Variants in ARMC6 observed in about 807,000 individuals in gnomAD.
ARMC6 encodes armadillo repeat containing 6, also known as armadillo repeat-containing protein 6.
In ARMC6, 43 loss-of-function variants were observed where a neutral mutation model predicts 49.2. The ratio of observed to expected loss-of-function variants is 0.87; its 90% CI spans 0.69 to 1.13. The LOEUF is 1.13. Among genes scored for constraint, ARMC6 ranks in the 50% most tolerant of loss-of-function variants. The pLI, the probability that ARMC6 is intolerant of heterozygous loss-of-function variation, is 0.00. For synonymous variants in ARMC6, 262 were observed against 289.6 expected (o/e 0.90, Z 0.97); for missense variants, 627 against 682.0 (o/e 0.92, Z 0.90).
Position 19,055,226 on chromosome 19 carries a change from C to T in ARMC6, c.1024-39C>T, listed in dbSNP as rs764248400. 66 of 1,537,700 alleles carry T rather than the reference C, an allele frequency of 4.3e-5. No homozygotes were observed. The highest frequency in any genetic ancestry group is 5.4e-5 in the Non-Finnish European group (62 of 1,142,774). On this transcript the variant is annotated intron_variant, in intron 6 of 8. Coordinates refer to ENST00000535612, the MANE Select transcript of ARMC6 (RefSeq NM_001199196.2). The surrounding 1 kb of genome is among the most constrained non-coding windows in gnomAD (Gnocchi z 5.7). The stretch of plus-strand genomic sequence containing the variant: ...CCTCAGAGCCCTCTCCCACAACCAG[C>T]GGCCTGGCTGGAGGTGAGCGGGCCT...
chr19:19,057,114 GGCTCTGT>G (rs1189822746), intron 8 of ARMC6, among the ~76,000 whole-genome samples: 1 of 152,246 alleles, frequency 6.6e-6, no homozygotes, highest in Non-Finnish European at 1.5e-5. Context: ...CCCCTTCCTT[GGCTCTGT>G]GCCAGCCTCG....
At chr19:19,049,642 A>C (rs1475446541) in intron 4 of ARMC6, among the ~76,000 whole-genome samples, 1 of 152,166 alleles carries the variant, frequency 6.6e-6, no homozygotes, top group Non-Finnish European at 1.5e-5. Flanking sequence ...ACTGAAACAA[A>C]CTCCATGTTC....
chr19:19,037,174 G>C (rs1458566351), intron 2 of ARMC6, among the ~76,000 whole-genome samples: 3 of 151,840 alleles, frequency 2.0e-5, no homozygotes, highest in Non-Finnish European at 2.9e-5. Context: ...GACAGAGCGA[G>C]ACTCTGTCTC....
rs932235720 is a variant in ARMC6 at position 19,048,027 on chromosome 19, C to G, written c.280-3595C>G. Among the ~76,000 whole-genome samples the G allele has an allele frequency of 2.6e-5, 4 of 152,204 alleles. No individual in the cohort carries two copies. In the South Asian group the frequency reaches 8.3e-4, roughly 32 times the overall value. On this transcript the variant is annotated intron_variant, in intron 4 of 8. Transcript: ENST00000535612. The stretch of plus-strand genomic sequence containing the variant: ...AGGAGTTTGGGACCAGCCTGGCCAA[C>G]ATGGCAAAACCCATCTCTACAAAAA...
In ARMC6 at chr19:19,048,965, G is replaced by A. The variant is rs150809881; in HGVS notation, c.280-2657G>A. ...AAGATAAAATGAGACATATTTGACC[G>A]CCACTTCCCATCATGACCTGAAGTA... On this transcript the variant is annotated intron_variant, in intron 4 of 8. Coordinates refer to ENST00000535612, the MANE Select transcript of ARMC6 (RefSeq NM_001199196.2). Among the ~76,000 whole-genome samples the A allele has an allele frequency of 1.9e-3, 288 of 152,058 alleles. 6 individuals are homozygous for A. Among genetic ancestry groups the A allele is most frequent in the Admixed American group, 0.017 (253 of 15,258 alleles).
intron 2 of ARMC6, among the ~76,000 whole-genome samples, chr19:19,040,441 A>C (rs2059403311): frequency 6.6e-6 from 1 of 152,060 alleles, no homozygotes; most frequent in South Asian, 2.1e-4. Flanking sequence ...TTTTAAAAAA[A>C]TTGTTACTAA....
intron 5 of ARMC6, 121 bp from the exon 6 acceptor site, chr19:19,054,031 C>CCA: frequency 9.9e-7 from 1 of 1,007,954 alleles, no homozygotes; most frequent in South Asian, 2.6e-5. Flanking sequence ...TCCTGGTGCC[C>CCA]GTGGCCACTC....
Position 19,033,780 on chromosome 19 carries a change from T to C in ARMC6, c.-230T>C. 8.1e-6 allele frequency: 2 copies of C among 246,840 alleles called. No individual in the cohort carries two copies. 15.3% of individuals were successfully genotyped at this position (246,840 alleles called of 1,614,324 possible). The stretch of plus-strand genomic sequence containing the variant: ...GCTTTACCTTGGTTCGCGGTCGTCC[T>C]TGGTTATCGTGAGCGTCCGCGAGTC... On this transcript the variant is annotated 5_prime_UTR_variant, in exon 1 of 9. Coordinates refer to ENST00000535612, the MANE Select transcript of ARMC6 (RefSeq NM_001199196.2).
In ARMC6 at chr19:19,052,155, G is replaced by A. The variant is rs2059502810; in HGVS notation, c.813G>A (p.Gln271=). The A allele has an allele frequency of 6.2e-7, 1 of 1,612,364 alleles. No homozygotes were observed. Among genetic ancestry groups the A allele is most frequent in the African/African-American group, 1.3e-5 (1 of 74,946 alleles). ...ACAACCATGCCAAGATGATTGTGCA[G>A]GAGAACAAAGGCTTGAAGGTGCTCA... ...HAHNHAKMIV[Q]ENKGLKVLIE... Residue 271 remains glutamine (Q), a synonymous_variant, in exon 5 of 9, where the codon CAG becomes CAA. Coordinates refer to ENST00000535612, the MANE Select transcript of ARMC6 (RefSeq NM_001199196.2).
intron 2 of ARMC6, among the ~76,000 whole-genome samples, chr19:19,039,122 A>G (rs2059392931): frequency 9.0e-6 from 1 of 111,124 alleles, no homozygotes; most frequent in East Asian, 2.8e-4. Context: ...ATATTCACTC[A>G]TTTGATTTAG....
chr19:19,057,758 T>C lies in ARMC6; in HGVS notation c.*130T>C. ...ATGAGAAGTGTTTTCTGGCAGGCCCTAGGTAAAGGGTCGGGGGAGGGGGGA... is the reference window on the plus strand; with the variant it reads ...ATGAGAAGTGTTTTCTGGCAGGCCCCAGGTAAAGGGTCGGGGGAGGGGGGA... On this transcript the variant is annotated 3_prime_UTR_variant, in exon 9 of 9. Coordinates refer to ENST00000535612, the MANE Select transcript of ARMC6 (RefSeq NM_001199196.2). 1.3e-6 allele frequency: 1 copy of C among 773,704 alleles called. No individual in the cohort carries two copies. Among genetic ancestry groups the C allele is most frequent in the Non-Finnish European group, 2.1e-6 (1 of 487,278 alleles). 47.9% of individuals were successfully genotyped at this position (773,704 alleles called of 1,614,324 possible).
At chr19:19,045,213 A>G (rs1464687668) in intron 4 of ARMC6, among the ~76,000 whole-genome samples, 2 of 152,068 alleles carry the variant, frequency 1.3e-5, no homozygotes, top group Admixed American at 1.3e-4. Flanking sequence ...AAGTTTCACT[A>G]TGTTGGCCAG....
intron 2 of ARMC6, among the ~76,000 whole-genome samples, chr19:19,037,863 A>G (rs1200679453): frequency 2.0e-5 from 3 of 152,200 alleles, no homozygotes; most frequent in Non-Finnish European, 4.4e-5. Context: ...CATCTACAGC[A>G]GGGGTCCCCA....
intron 2 of ARMC6, among the ~76,000 whole-genome samples, chr19:19,036,392 A>G (rs1350053029): frequency 2.0e-5 from 3 of 152,226 alleles, no homozygotes; most frequent in Non-Finnish European, 4.4e-5. Flanking sequence ...ACGTTAGGGC[A>G]GAGAGAGCAA....
chr19:19,038,060 C>T (rs550303379), intron 2 of ARMC6, among the ~76,000 whole-genome samples: 145 of 152,268 alleles, frequency 9.5e-4, no homozygotes, highest in Middle Eastern at 3.4e-3. Context: ...TATAGGAGCA[C>T]GAACCCTACT....
At chr19:19,039,135 A>AT (rs35418488) in intron 2 of ARMC6, among the ~76,000 whole-genome samples, 7 of 150,520 alleles carry the variant, frequency 4.7e-5, no homozygotes, top group South Asian at 2.1e-4. Context: ...TGATTTAGTA[A>AT]TTTTTTTTTT....
Position 19,044,030 on chromosome 19 carries a change from G to GT in ARMC6, c.236dup (p.Ser80LeufsTer11). The GT allele has an allele frequency of 6.2e-7, 1 of 1,614,166 alleles. No individual in the cohort carries two copies. Among genetic ancestry groups the GT allele is most frequent in the Non-Finnish European group, 8.5e-7 (1 of 1,180,014 alleles). ...CAACATTGTAAAGACGGCACCTAAA[G>GT]TCTCTGCAGACGGATCCCAGGAGCC... On this transcript the variant is annotated frameshift_variant, in exon 4 of 9. Coordinates refer to ENST00000535612, the MANE Select transcript of ARMC6 (RefSeq NM_001199196.2). LOFTEE classifies it high-confidence loss of function.
At chr19:19,047,837 A>G (rs942348299) in intron 4 of ARMC6, among the ~76,000 whole-genome samples, 1 of 152,220 alleles carries the variant, frequency 6.6e-6, no homozygotes, top group African/African-American at 2.4e-5. Flanking sequence ...ATATCAATCA[A>G]TACATGTGAG....
At chr19:19,048,757 A>T (rs1424059485) in intron 4 of ARMC6, among the ~76,000 whole-genome samples, 1 of 152,218 alleles carries the variant, frequency 6.6e-6, no homozygotes, top group Admixed American at 6.5e-5. Flanking sequence ...ATCTCTGTAG[A>T]ATGTAGCTTT....
Sources: gnomAD v4.1 joint callset for allele counts (sites outside exome capture counted in the v4.1 genomes callset) on GRCh38, gnomAD v4.1.1 for gene constraint, Gnocchi (gnomAD v3.1) non-coding constraint, MANE v1.5 for transcripts, NCBI Gene and HGNC (gene_info 2026-07-23, HGNC 2026-07-21) for gene names.